RAP1GAP2: variants seen among roughly 807,000 people sequenced by gnomAD.
RAP1GAP2 encodes RAP1 GTPase activating protein 2, also known as rap1 GTPase-activating protein 2.
A neutral mutation model predicts 95.0 loss-of-function variants in RAP1GAP2; 27 were observed. That is an observed-to-expected ratio of 0.28 (90% confidence interval 0.21 to 0.39). The LOEUF is 0.39. Among genes scored for constraint, RAP1GAP2 ranks in the 10% least tolerant of loss-of-function variants. RAP1GAP2 has a pLI of 1.00. For missense variants in RAP1GAP2, 771 were observed against 970.0 expected (o/e 0.79, Z 2.72); for synonymous variants, 373 against 380.9 (o/e 0.98, Z 0.24).
intron 2 of RAP1GAP2, among the ~76,000 whole-genome samples, chr17:2,836,876 A>T (rs1389621463): frequency 1.3e-5 from 2 of 152,150 alleles, no homozygotes; most frequent in Admixed American, 1.3e-4. Flanking sequence ...TAGCACCTGT[A>T]AAAATTTGGT....
At chr17:2,939,602 G>A (rs1425041343) in intron 3 of RAP1GAP2, among the ~76,000 whole-genome samples, 1 of 152,196 alleles carries the variant, frequency 6.6e-6, no homozygotes, top group African/African-American at 2.4e-5. Context: ...TCTCCTTCAG[G>A]CCCAACACTG....
At position 2,903,223 on chromosome 17, in the gene RAP1GAP2, A is replaced by G. The variant is rs967616184; in HGVS notation, c.81-2061A>G. Among the ~76,000 whole-genome samples the G allele has an allele frequency of 6.6e-6, 1 of 152,100 alleles. No individual in the cohort carries two copies. The stretch of plus-strand genomic sequence containing the variant: ...TGGGCCCGAAGAGGACCTGAGGGTG[A>G]TGCCCTCCTGCTTGATCATTCTTCC... On this transcript the variant is annotated intron_variant, in intron 2 of 24. Coordinates refer to ENST00000254695, the MANE Select transcript of RAP1GAP2 (RefSeq NM_015085.5). The surrounding 1 kb of genome is among the most constrained non-coding windows in gnomAD (Gnocchi z 4.1).
intron 3 of RAP1GAP2, among the ~76,000 whole-genome samples, chr17:2,930,076 G>A (rs2043093385): frequency 6.6e-6 from 1 of 152,232 alleles, no homozygotes; most frequent in Non-Finnish European, 1.5e-5. Context: ...GGCTCTGAAA[G>A]GCTCCTGGAA....
intron 8 of RAP1GAP2, among the ~76,000 whole-genome samples, chr17:2,979,904 G>C (rs2045288301): frequency 1.3e-5 from 2 of 151,922 alleles, no homozygotes; most frequent in South Asian, 4.2e-4. Context: ...CCTATGTGCT[G>C]TGATCTCGGC....
At chr17:2,937,314 C>T (rs2043335734) in intron 3 of RAP1GAP2, among the ~76,000 whole-genome samples, 1 of 152,182 alleles carries the variant, frequency 6.6e-6, no homozygotes, top group Non-Finnish European at 1.5e-5. Flanking sequence ...TGAATGCCTT[C>T]CTGCAAAGAG....
At chr17:2,953,430 A>G (rs1011780602) in intron 3 of RAP1GAP2, among the ~76,000 whole-genome samples, 5 of 152,096 alleles carry the variant, frequency 3.3e-5, no homozygotes, top group African/African-American at 9.7e-5. Context: ...TCAACTTAAT[A>G]TATCTTGGAG....
At chr17:2,777,683 T>C (rs192901791) in intron 1 of RAP1GAP2, among the ~76,000 whole-genome samples, 1 of 152,304 alleles carries the variant, frequency 6.6e-6, no homozygotes. Flanking sequence ...TCCCCCTACA[T>C]GCTTGTTAAC....
chr17:2,912,363 T>A (rs915671211), intron 3 of RAP1GAP2, among the ~76,000 whole-genome samples: 2 of 152,124 alleles, frequency 1.3e-5, no homozygotes, highest in Admixed American at 1.3e-4. Context: ...CGTCTCTTCT[T>A]TTGCTCCTGG....
chr17:2,852,349 T>TG (rs921614538), intron 2 of RAP1GAP2, among the ~76,000 whole-genome samples: 5 of 112,708 alleles, frequency 4.4e-5, no homozygotes, highest in Non-Finnish European at 5.7e-5. Context: ...GGGGTGGGGG[T>TG]GGGGGGCACA....
At chr17:2,913,021 T>A (rs1167075760) in intron 3 of RAP1GAP2, among the ~76,000 whole-genome samples, 1 of 151,952 alleles carries the variant, frequency 6.6e-6, no homozygotes, top group Admixed American at 6.6e-5. Flanking sequence ...CTACAAAAAA[T>A]TAAAAAATTA....
chr17:2,819,053 C>G (rs1230699017), intron 2 of RAP1GAP2, among the ~76,000 whole-genome samples: 1 of 151,226 alleles, frequency 6.6e-6, no homozygotes, highest in Non-Finnish European at 1.5e-5. Context: ...GAGTCTCACT[C>G]TGTCGCCCAG....
chr17:2,883,435 C>T (rs1019501834), intron 2 of RAP1GAP2, among the ~76,000 whole-genome samples: 4 of 152,202 alleles, frequency 2.6e-5, no homozygotes, highest in African/African-American at 9.7e-5. Context: ...CTGCTCTCGG[C>T]ACCTTCCCCA....
intron 2 of RAP1GAP2, among the ~76,000 whole-genome samples, chr17:2,801,813 G>A (rs1011658536): frequency 1.3e-5 from 2 of 152,174 alleles, no homozygotes; most frequent in African/African-American, 4.8e-5. Context: ...AGCAGGCACA[G>A]CCCTCTCCTA....
intron 14 of RAP1GAP2, 149 bp downstream of exon 14, chr17:2,998,525 G>A (rs1431160378): frequency 1.0e-6 from 1 of 1,003,056 alleles, no homozygotes; most frequent in African/African-American, 1.6e-5. Context: ...ATTCTGGGTA[G>A]GGAGGACCTT....
At position 2,891,814 on chromosome 17, in the gene RAP1GAP2, C is replaced by CTTTTTTT. The variant is rs917540694; in HGVS notation, c.81-13450_81-13444dup. On this transcript the variant is annotated intron_variant, in intron 2 of 24. Transcript: ENST00000254695. ...TGATATGCAGATTCATATTTCTTTT[C>CTTTTTTT]TTTTTTTTTTTTTTTTTTTTTTTTT... Among the ~76,000 whole-genome samples the CTTTTTTT allele has an allele frequency of 1.9e-3, 104 of 54,282 alleles. 10 individuals carry two copies. Among genetic ancestry groups the CTTTTTTT allele is most frequent in the Non-Finnish European group, 2.6e-3 (71 of 27,394 alleles). The allele number at this position is 54,282 out of a possible 152,430, so 35.6% of individuals were successfully genotyped here.
upstream of RAP1GAP2, among the ~76,000 whole-genome samples, chr17:2,772,746 T>A (rs1483437680): frequency 2.6e-5 from 4 of 152,040 alleles, no homozygotes; most frequent in Non-Finnish European, 5.9e-5. Flanking sequence ...AAGTTACAGC[T>A]AGTAAGTGGC....
intron 2 of RAP1GAP2, among the ~76,000 whole-genome samples, chr17:2,887,799 C>CGAGT (rs2073551913): frequency 6.6e-6 from 1 of 151,872 alleles, no homozygotes; most frequent in East Asian, 1.9e-4. Context: ...CTCAGCCTCC[C>CGAGT]GAGTACCTGG....
chr17:2,849,479 T>C (rs1336802891), intron 2 of RAP1GAP2, among the ~76,000 whole-genome samples: 2 of 152,212 alleles, frequency 1.3e-5, no homozygotes, highest in African/African-American at 4.8e-5. Flanking sequence ...CAGAAGGCCC[T>C]TTTCTTCAGG....
chr17:2,843,059 C>T (rs2151574838), intron 2 of RAP1GAP2, among the ~76,000 whole-genome samples: 1 of 152,160 alleles, frequency 6.6e-6, no homozygotes, highest in South Asian at 2.1e-4. Context: ...ATACATTCCA[C>T]CGGGGGCTGG....
Sources: allele counts gnomAD v4.1 joint callset (sites outside exome capture counted in the v4.1 genomes callset), GRCh38; gene constraint gnomAD v4.1.1; non-coding constraint Gnocchi (gnomAD v3.1); transcripts MANE v1.5; gene names NCBI Gene and HGNC (gene_info 2026-07-23, HGNC 2026-07-21).